HECTD2: variants seen among roughly 807,000 people sequenced by gnomAD.
HECTD2 encodes HECT domain E3 ubiquitin protein ligase 2.
HECTD2 carries 35 observed loss-of-function variants against 103.2 expected under a neutral mutation model. That is an observed-to-expected ratio of 0.34 (90% CI 0.26 to 0.45). The LOEUF is 0.45. Among genes scored for constraint, HECTD2 ranks in the 20% least tolerant of loss-of-function variants. The pLI is 1.00. For missense variants in HECTD2, 596 were observed against 937.4 expected (o/e 0.64, Z 4.76); for synonymous variants, 281 against 329.9 (o/e 0.85, Z 1.61).
At chr10:91,479,815 C>T (rs377166472) in intron 6 of HECTD2, among the ~76,000 whole-genome samples, 228 of 152,230 alleles carry the variant, frequency 1.5e-3, no homozygotes, top group South Asian at 2.3e-3. Context: ...TTGGTATCTT[C>T]TTTTAACAAA....
At chr10:91,477,962 A>G (rs1284402752) in intron 5 of HECTD2, among the ~76,000 whole-genome samples, 3 of 152,204 alleles carry the variant, frequency 2.0e-5, no homozygotes, top group African/African-American at 7.2e-5. Context: ...GTCATCAACC[A>G]CCACCATATA....
At chr10:91,481,246 G>T (rs1371579854) in intron 7 of HECTD2, 107 bp downstream of exon 7, 1 of 512,688 alleles carries the variant, frequency 2.0e-6, no homozygotes, top group African/African-American at 2.0e-5. Flanking sequence ...CAACATTATT[G>T]ATTCTTTTTA....
intron 12 of HECTD2, 99 bp from the exon 13 acceptor site, chr10:91,492,253 A>G (rs988609210): frequency 6.2e-6 from 7 of 1,133,958 alleles, no homozygotes; most frequent in Non-Finnish European, 9.1e-6. Flanking sequence ...AGCATTGCAA[A>G]TAAGTTAAAG....
chr10:91,503,695 G>C lies in HECTD2; in HGVS notation c.2210+2361G>C, dbSNP rs557598995. On this transcript the variant is annotated intron_variant, in intron 20 of 20. Coordinates refer to ENST00000298068, the MANE Select transcript of HECTD2 (RefSeq NM_182765.6). Reference sequence around the variant, plus strand: ...CAAACTGCAAGGCGGCAGCGAGGCTGGGGGAGGGGCGCCCACCATTGCCCA... The same window carrying C: ...CAAACTGCAAGGCGGCAGCGAGGCTCGGGGAGGGGCGCCCACCATTGCCCA... Among the ~76,000 whole-genome samples the C allele has an allele frequency of 3.3e-5, 5 of 152,302 alleles. No individual in the cohort carries two copies. The South Asian group carries it at 1.0e-3, about 32-fold the overall frequency.
chr10:91,484,413 T>G, intron 8 of HECTD2, 94 bp from the exon 9 acceptor site: 2 of 1,478,096 alleles, frequency 1.4e-6, no homozygotes, highest in Non-Finnish European at 1.8e-6. Context: ...TAGTCTAAAA[T>G]TTTGTGGCTT....
At position 91,463,957 on chromosome 10, in the gene HECTD2, A is replaced by AT. The variant is rs539747683; in HGVS notation, c.600+1782dup. Among the ~76,000 whole-genome samples the AT allele has an allele frequency of 6.4e-3, 965 of 151,466 alleles. 5 individuals are homozygous for AT. Among genetic ancestry groups the AT allele is most frequent in the South Asian group, 9.6e-3 (46 of 4,786 alleles). ...TCCTAGGTACACTTCTCTGAACTTGATTTTTTTTTGACATTTTAATTTCTT... is the reference window on the plus strand; with the variant it reads ...TCCTAGGTACACTTCTCTGAACTTGATTTTTTTTTTGACATTTTAATTTCTT... On this transcript the variant is annotated intron_variant, in intron 5 of 20. Coordinates refer to ENST00000298068, the MANE Select transcript of HECTD2 (RefSeq NM_182765.6).
chr10:91,460,410 G>A lies in HECTD2; in HGVS notation c.269-17G>A. The A allele has an allele frequency of 6.4e-7, 1 of 1,573,752 alleles. No homozygotes were observed. Among genetic ancestry groups the A allele is most frequent in the Non-Finnish European group, 8.6e-7 (1 of 1,161,904 alleles). On this transcript the variant is annotated splice_polypyrimidine_tract_variant and intron_variant, in intron 2 of 20. Transcript: ENST00000298068. ...TTTAATGATTCATTATTTTGAATGTGTTTTTATACTTCACAGTGAGAGAAC... is the reference window on the plus strand; with the variant it reads ...TTTAATGATTCATTATTTTGAATGTATTTTTATACTTCACAGTGAGAGAAC...
At chr10:91,457,734 T>A (rs1845168956) in intron 2 of HECTD2, among the ~76,000 whole-genome samples, 1 of 151,994 alleles carries the variant, frequency 6.6e-6, no homozygotes, top group Non-Finnish European at 1.5e-5. Flanking sequence ...TACCTTAAGT[T>A]TGGGAACAAG....
chr10:91,509,278 A>T (rs1206501815), intron 20 of HECTD2, among the ~76,000 whole-genome samples: 2 of 152,152 alleles, frequency 1.3e-5, no homozygotes, highest in African/African-American at 4.8e-5. Flanking sequence ...GTATAATTAA[A>T]AAAAATAAAT....
chr10:91,413,438 T>C (rs75664166), intron 1 of HECTD2, among the ~76,000 whole-genome samples: 1,710 of 152,322 alleles, frequency 0.011, 38 homozygotes, highest in African/African-American at 0.039. Flanking sequence ...CATCTCACCC[T>C]AGAGCACCTG....
intron 5 of HECTD2, among the ~76,000 whole-genome samples, chr10:91,473,643 C>A (rs1462707750): frequency 6.6e-6 from 1 of 152,144 alleles, no homozygotes; most frequent in Admixed American, 6.5e-5. Flanking sequence ...TCCTCCTTAG[C>A]CTACTTAATG....
In HECTD2 at chr10:91,491,207, T is replaced by C; in HGVS notation, c.1199T>C (p.Leu400Pro). 1 of 1,534,586 alleles carries C rather than the reference T, an allele frequency of 6.5e-7. No homozygotes were observed. The highest frequency in any genetic ancestry group is 9.0e-7 in the Non-Finnish European group (1 of 1,114,146). ...QQMINIARQS[L>P]VDKVSRRQRP... Reference sequence around the variant, plus strand: ...ACTTTCTTATTTAATCAGCAAAGTCTGGTGGATAAAGTATCTCGAAGACAG... The same window carrying C: ...ACTTTCTTATTTAATCAGCAAAGTCCGGTGGATAAAGTATCTCGAAGACAG... The change falls in exon 12 of 21, where the codon CTG (leucine) becomes CCG (proline). Residue 400 changes from leucine (L) to proline (P), a missense_variant. Coordinates refer to ENST00000298068, the MANE Select transcript of HECTD2 (RefSeq NM_182765.6).
At chr10:91,481,576 G>T (rs1048858555) in intron 7 of HECTD2, among the ~76,000 whole-genome samples, 45 of 150,968 alleles carry the variant, frequency 3.0e-4, no homozygotes, top group African/African-American at 1.1e-3. Flanking sequence ...ACTTCAATTA[G>T]AATTCTTATG....
chr10:91,417,688 C>T (rs1224275601), intron 1 of HECTD2, among the ~76,000 whole-genome samples: 1 of 152,020 alleles, frequency 6.6e-6, no homozygotes, highest in Non-Finnish European at 1.5e-5. Flanking sequence ...CTACAAAGGA[C>T]ATGAACTCAT....
At chr10:91,505,664 A>G (rs1194936890) in intron 20 of HECTD2, among the ~76,000 whole-genome samples, 3 of 150,098 alleles carry the variant, frequency 2.0e-5, no homozygotes, top group Non-Finnish European at 4.4e-5. Context: ...ACTCCCACAC[A>G]TTAATAATGG....
chr10:91,434,103 A>G (rs1216413472), intron 2 of HECTD2, among the ~76,000 whole-genome samples: 3 of 151,908 alleles, frequency 2.0e-5, no homozygotes, highest in Non-Finnish European at 4.4e-5. Flanking sequence ...TAATGAATGT[A>G]TTTGCTTTAT....
Position 91,462,470 on chromosome 10 carries a change from G to C in HECTD2, c.600+286G>C, listed in dbSNP as rs531640115. 277 of 1,191,636 alleles carry C rather than the reference G, an allele frequency of 2.3e-4. 6 individuals are homozygous for C. The South Asian group carries it at 9.6e-3, about 41-fold the overall frequency. The allele number at this position is 1,191,636 out of a possible 1,614,324, so 73.8% of individuals were successfully genotyped here. A position where few individuals can be genotyped will look rare whatever the true frequency, so the allele number is the denominator to read the frequency against. On this transcript the variant is annotated intron_variant, in intron 5 of 20. Coordinates refer to ENST00000298068, the MANE Select transcript of HECTD2 (RefSeq NM_182765.6). ...GGAGGTAAGTTATTTAATTATATTG[G>C]AATTACACTGAATCTGTAGATCAGT...
upstream of HECTD2, among the ~76,000 whole-genome samples, chr10:91,409,696 A>C (rs888098531): frequency 1.3e-5 from 2 of 152,094 alleles, no homozygotes; most frequent in Non-Finnish European, 2.9e-5. Flanking sequence ...GCGTGTACAA[A>C]AGAGTCGGTT....
At chr10:91,465,454 C>T (rs1363663749) in intron 5 of HECTD2, among the ~76,000 whole-genome samples, 1 of 151,770 alleles carries the variant, frequency 6.6e-6, no homozygotes, top group Non-Finnish European at 1.5e-5. Context: ...CTAAAAGAAC[C>T]ACAGCTCCCT....
Sources: gnomAD v4.1 joint callset for allele counts (sites outside exome capture counted in the v4.1 genomes callset) on GRCh38, gnomAD v4.1.1 for gene constraint, MANE v1.5 for transcripts, NCBI Gene and HGNC (gene_info 2026-07-23, HGNC 2026-07-21) for gene names.